MED23: variants seen among roughly 807,000 people sequenced by gnomAD.
MED23 encodes the protein mediator complex subunit 23.
A neutral mutation model predicts 163.9 loss-of-function variants in MED23; 105 were observed. That is an observed-to-expected ratio of 0.64 (90% CI 0.55 to 0.75). The LOEUF is 0.75. MED23 is among the 30% of genes least tolerant of loss of function. The pLI is 0.00. For synonymous variants in MED23, 561 were observed against 565.6 expected (o/e 0.99, Z 0.12); for missense variants, 1,054 against 1,649.0 (o/e 0.64, Z 6.25).
In MED23 at chr6:131,604,667, T is replaced by C. The variant is rs80119680; in HGVS notation, c.1614-347A>G. ...AATAACTTTTGTCACAGATTTACTT[T>C]AATAAATCACTGCTAAGACCCAAAT... On this transcript the variant is annotated intron_variant, in intron 14 of 28. Transcript: ENST00000368068. 3.9e-3 allele frequency among the ~76,000 whole-genome samples: 590 copies of C among 152,342 alleles called. 1 individual carries two copies. Among genetic ancestry groups the C allele is most frequent in the African/African-American group, 0.013 (556 of 41,576 alleles).
intron 27 of MED23, among the ~76,000 whole-genome samples, chr6:131,589,874 T>C (rs753911774): frequency 6.6e-6 from 1 of 152,208 alleles, no homozygotes. Context: ...CAATCCCCTT[T>C]CTAGACACCA....
At chr6:131,578,612 A>G (rs1269025445) in intron 30 of MED23, among the ~76,000 whole-genome samples, 1 of 152,138 alleles carries the variant, frequency 6.6e-6, no homozygotes, top group Non-Finnish European at 1.5e-5. Flanking sequence ...GGCAGGTTCA[A>G]TGGATACTTT....
chr6:131,591,136 T>G (rs970532356), intron 26 of MED23, among the ~76,000 whole-genome samples, 177 bp downstream of exon 26: 1 of 148,962 alleles, frequency 6.7e-6, no homozygotes, highest in Non-Finnish European at 1.5e-5. Context: ...ACACACCACA[T>G]GCCCAGCTAA....
chr6:131,623,089 G>T (rs539177321), intron 5 of MED23, among the ~76,000 whole-genome samples: 2 of 152,254 alleles, frequency 1.3e-5, no homozygotes, highest in South Asian at 4.2e-4. Flanking sequence ...GCAGCATGAA[G>T]GAACACGGAT....
At chr6:131,594,953 T>C (rs1282398613) in intron 22 of MED23, among the ~76,000 whole-genome samples, 1 of 152,168 alleles carries the variant, frequency 6.6e-6, no homozygotes, top group Non-Finnish European at 1.5e-5. Flanking sequence ...CACTGTATAC[T>C]CCACCCCATC....
Position 131,605,428 on chromosome 6 carries a change from A to G in MED23, c.1425T>C (p.Ala475=). The G allele has an allele frequency of 6.2e-7, 1 of 1,611,742 alleles. No homozygotes were observed. ...KSLQMNDYKI[A]LLCNAYSTNS... is the part of the protein sequence containing the mutation. ...TTGTAGAGTATGCATTACACAATAG[A>G]GCAATCTTATAGTCATTCATCTGTA... Residue 475 remains alanine, a synonymous_variant, in exon 14 of 29, where the codon GCT becomes GCC. Coordinates refer to ENST00000368068, the MANE Select transcript of MED23 (RefSeq NM_004830.4).
intron 14 of MED23, among the ~76,000 whole-genome samples, chr6:131,604,656 C>T (rs1367856716): frequency 2.0e-5 from 3 of 152,208 alleles, no homozygotes; most frequent in Non-Finnish European, 4.4e-5. Flanking sequence ...ACTTTTGTCA[C>T]AGATTTACTT....
At chr6:131,605,036 TACA>T (rs761741933) in intron 14 of MED23, among the ~76,000 whole-genome samples, 1 of 152,218 alleles carries the variant, frequency 6.6e-6, no homozygotes, top group Non-Finnish European at 1.5e-5. Flanking sequence ...ATGTAGAGAT[TACA>T]ACAATTACTT....
downstream of MED23, chr6:131,584,114 C>A: frequency 1.7e-6 from 1 of 595,122 alleles, no homozygotes; most frequent in South Asian, 2.1e-5. Flanking sequence ...CTTATATTTT[C>A]TAACTTGGCA....
At chr6:131,625,180 A>G (rs1056025729) in intron 3 of MED23, among the ~76,000 whole-genome samples, 191 bp from the exon 4 acceptor site, 1 of 152,244 alleles carries the variant, frequency 6.6e-6, no homozygotes, top group African/African-American at 2.4e-5. Context: ...ATTAAGCTTA[A>G]CATTTTGTAA....
In MED23 at chr6:131,620,718, A is replaced by G; in HGVS notation, c.507T>C (p.Tyr169=). Residue 169 remains tyrosine, a synonymous_variant, in exon 7 of 29, where the codon TAT becomes TAC. Coordinates refer to ENST00000368068, the MANE Select transcript of MED23 (RefSeq NM_004830.4). ...ATAAGCAGGCATTTCTTTCCAAGAT[A>G]TATGCTATAACCTAAGAAAAACAAA... ...QLLAAREVIA[Y]ILERNACLLP... The G allele has an allele frequency of 6.2e-7, 1 of 1,610,188 alleles. No individual in the cohort carries two copies.
Position 131,594,331 on chromosome 6 carries a change from A to G in MED23, c.3000T>C (p.Arg1000=). The change falls in exon 23 of 29, where the codon CGT becomes CGC. Residue 1000 remains arginine, a synonymous_variant. Coordinates refer to ENST00000368068, the MANE Select transcript of MED23 (RefSeq NM_004830.4). The part of the protein sequence containing the change: ...HLGGLYKFHD[R]PVTYLYNTLH... ...GAGTGTTATACAGATAAGTCACTGG[A>G]CGATCTGCCAAGAAAAAAACATACC... 6.2e-7 allele frequency: 1 copy of G among 1,611,078 alleles called. No individual in the cohort carries two copies.
At chr6:131,624,759 A>G (rs961211150) in intron 4 of MED23, 106 bp downstream of exon 4, 183 of 1,258,192 alleles carry the variant, frequency 1.5e-4, no homozygotes, top group Non-Finnish European at 2.0e-4. Context: ...GATAAACCTC[A>G]CCTTCTTCTT....
At chr6:131,593,229 G>T (rs1774781322) in intron 23 of MED23, 58 bp from the exon 24 acceptor site, 1 of 1,598,284 alleles carries the variant, frequency 6.3e-7, no homozygotes, top group Non-Finnish European at 8.6e-7. Context: ...CAATTTATCT[G>T]ATTATGAGCT....
chr6:131,587,752 G>A lies in MED23; in HGVS notation c.4034C>T (p.Pro1345Leu), dbSNP rs777837098. 2.1e-5 allele frequency: 34 copies of A among 1,614,138 alleles called. No homozygotes were observed. The South Asian group carries it at 3.7e-4, about 18-fold the overall frequency. The change falls in exon 29 of 29, where the codon CCA becomes CTA. Residue 1345 changes from proline (P) to leucine (L), a missense_variant. By Grantham distance (98) the Pro-to-Leu change is moderately conservative (BLOSUM62 -3). Around this residue, in one of 11 missense-constraint regions of MED23, gnomAD observed 362 missense variants for 471.6 expected, o/e 0.77. Transcript: ENST00000368068. ...TGGAGACCCACTGTTCATGGCTTGTGGAGGCACTGCAGCTGGCTCCATCTT... is the reference window on the plus strand; with the variant it reads ...TGGAGACCCACTGTTCATGGCTTGTAGAGGCACTGCAGCTGGCTCCATCTT... The part of the protein sequence containing the change: ...ISKMEPAAVP[P>L]QAMNSGSPAP...
In MED23 at chr6:131,578,765, A is replaced by G. The variant is rs140607078; in HGVS notation, c.4096-4470T>C. 1.8e-3 allele frequency among the ~76,000 whole-genome samples: 268 copies of G among 152,264 alleles called. 2 individuals are homozygous for G. The highest frequency in any genetic ancestry group is 6.2e-3 in the African/African-American group (256 of 41,490). On this transcript the variant is annotated intron_variant, in intron 30 of 30. Coordinates refer to the MED23 transcript ENST00000354577. ...CTTACTATAGAAAGGTAAAAAGCACATAAGCAGAGAGAGACAGAGAGACAG... is the reference window on the plus strand; with the variant it reads ...CTTACTATAGAAAGGTAAAAAGCACGTAAGCAGAGAGAGACAGAGAGACAG...
At position 131,624,985 on chromosome 6, in the gene MED23, G is replaced by A. The variant is rs1484844562; in HGVS notation, c.164C>T (p.Ser55Phe). The A allele has an allele frequency of 1.2e-6, 2 of 1,613,410 alleles. No homozygotes were observed. The highest frequency in any genetic ancestry group is 1.3e-5 in the African/African-American group (1 of 74,914). Reference sequence around the variant, plus strand: ...AATCCACTGGATACACTGTTCATGAGACTCCTGGAAAATGAGAGAATGATT... The same window carrying A: ...AATCCACTGGATACACTGTTCATGAAACTCCTGGAAAATGAGAGAATGATT... ...RQFWGGLSQE[S>F]HEQCIQWIVK... is the part of the protein sequence containing the mutation. Residue 55 changes from serine to phenylalanine, a missense_variant, in exon 4 of 29, where the codon TCT (serine) becomes TTT (phenylalanine). By Grantham distance (155) the Ser-to-Phe change is radical. Transcript: ENST00000368068.
intron 28 of MED23, among the ~76,000 whole-genome samples, chr6:131,589,234 G>A (rs1774407051): frequency 6.6e-6 from 1 of 151,968 alleles, no homozygotes; most frequent in Non-Finnish European, 1.5e-5. Context: ...ATTTTCTGTT[G>A]CAAATATCAA....
At chr6:131,583,274 A>G, downstream of MED23, 1 of 1,609,170 alleles carries the variant, frequency 6.2e-7, no homozygotes, top group Non-Finnish European at 8.5e-7. Context: ...GCTACTTTTT[A>G]TAAAACAAGT....
Sources: allele counts gnomAD v4.1 joint callset (sites outside exome capture counted in the v4.1 genomes callset), GRCh38; gene constraint gnomAD v4.1.1; regional missense constraint gnomAD v4.1.1; transcripts MANE v1.5; gene names NCBI Gene and HGNC (gene_info 2026-07-23, HGNC 2026-07-21).